The following STK32C variants were observed in gnomAD, a reference collection of about 807,000 sequenced individuals.
The protein encoded by STK32C is serine/threonine kinase 32C, also known as serine/threonine-protein kinase 32C.
Under a neutral mutation model 56.5 loss-of-function variants are expected in STK32C, and 31 were observed. That is an observed-to-expected ratio of 0.55 (90% CI 0.41 to 0.74). The LOEUF (loss-of-function observed/expected upper bound fraction) is 0.74, where lower values mean the gene tolerates loss of function less well. Among genes scored for constraint, STK32C ranks in the 30% least tolerant of loss-of-function variants. STK32C has a pLI of 0.00. For synonymous variants in STK32C, 309 were observed against 289.4 expected, an observed-to-expected ratio of 1.07 and a Z score of -0.69; for missense variants, 544 against 676.9, an observed-to-expected ratio of 0.80 and a Z score of 2.18.
rs573756806 is a variant in STK32C, at chr10:132,223,133, G to A, written c.994-147C>T. ...GAACCTCAGGGCCACGCGAGGAAGGGTGGTGCCGACGGCCGACATCAGGCA... is the reference window on the plus strand; with the variant it reads ...GAACCTCAGGGCCACGCGAGGAAGGATGGTGCCGACGGCCGACATCAGGCA... On this transcript the variant is annotated intron_variant, in intron 8 of 11. Coordinates refer to ENST00000298630, the MANE Select transcript of STK32C (RefSeq NM_173575.4). 7.3e-5 allele frequency: 84 copies of A among 1,142,886 alleles called. 1 individual carries two copies. The African/African-American group carries it at 1.2e-3, about 16-fold the overall frequency. The allele number at this position is 1,142,886 out of a possible 1,614,324, so 70.8% of individuals were successfully genotyped here.
At chr10:132,292,030 C>T (rs2065580820) in intron 1 of STK32C, among the ~76,000 whole-genome samples, 1 of 152,184 alleles carries the variant, frequency 6.6e-6, no homozygotes, top group Admixed American at 6.5e-5. Flanking sequence ...GACCTGGAGG[C>T]TTCCCCTGCA....
At chr10:132,252,292 G>T (rs943667672) in intron 1 of STK32C, among the ~76,000 whole-genome samples, 1 of 152,270 alleles carries the variant, frequency 6.6e-6, no homozygotes, top group East Asian at 1.9e-4. Flanking sequence ...GGCACCAGGT[G>T]CCAGGGAGGG....
chr10:132,259,549 G>C (rs4633376), intron 1 of STK32C, among the ~76,000 whole-genome samples: 1 of 151,844 alleles, frequency 6.6e-6, no homozygotes, highest in African/African-American at 2.4e-5. Context: ...TGAGATCTGG[G>C]CGTCTGAAAG....
At chr10:132,287,214 C>T (rs568584079) in intron 1 of STK32C, among the ~76,000 whole-genome samples, 3 of 152,186 alleles carry the variant, frequency 2.0e-5, no homozygotes, top group African/African-American at 7.2e-5. Flanking sequence ...AATTTTTGGC[C>T]AGGCACGGTG....
At chr10:132,300,427 T>C (rs2138363321) in intron 1 of STK32C, among the ~76,000 whole-genome samples, 1 of 152,184 alleles carries the variant, frequency 6.6e-6, no homozygotes, top group Non-Finnish European at 1.5e-5. Context: ...CTGGATGGAA[T>C]CTGGGGGGGA....
downstream of STK32C, among the ~76,000 whole-genome samples, chr10:132,319,189 T>C (rs1444571624): frequency 6.6e-6 from 1 of 152,190 alleles, no homozygotes; most frequent in African/African-American, 2.4e-5. Flanking sequence ...CTTCAGGTGA[T>C]CCGCCCACCT....
chr10:132,295,014 G>A (rs566371994), intron 1 of STK32C, among the ~76,000 whole-genome samples: 6 of 152,296 alleles, frequency 3.9e-5, no homozygotes, highest in African/African-American at 9.6e-5. Flanking sequence ...TGCCCCTCTC[G>A]GTGTGGACTG....
chr10:132,238,604 G>A (rs920832207), intron 2 of STK32C, among the ~76,000 whole-genome samples: 27 of 152,160 alleles, frequency 1.8e-4, no homozygotes, highest in African/African-American at 6.5e-4. Flanking sequence ...CTCAAGCCTG[G>A]GAAAGCATAG....
intron 2 of STK32C, among the ~76,000 whole-genome samples, chr10:132,240,378 G>A (rs530099175): frequency 8.9e-4 from 135 of 152,316 alleles, no homozygotes; most frequent in African/African-American, 2.9e-3. Flanking sequence ...AGCCGCTGGC[G>A]GGTTGCCATA....
upstream of STK32C, among the ~76,000 whole-genome samples, chr10:132,309,754 G>A (rs2066185796): frequency 6.6e-6 from 1 of 152,158 alleles, no homozygotes; most frequent in Non-Finnish European, 1.5e-5. Flanking sequence ...TGCGTACCCG[G>A]TGCACACATC....
chr10:132,243,830 G>A (rs914163390), intron 2 of STK32C, among the ~76,000 whole-genome samples: 2 of 152,174 alleles, frequency 1.3e-5, no homozygotes, highest in Non-Finnish European at 2.9e-5. Flanking sequence ...CCCTGAACGG[G>A]TGGGCTCCGG....
chr10:132,219,705 C>T (rs1195628777), intron 10 of STK32C, among the ~76,000 whole-genome samples: 1 of 152,188 alleles, frequency 6.6e-6, no homozygotes, highest in Non-Finnish European at 1.5e-5. Context: ...GGCAGCCGTC[C>T]TGGAGGAGGG....
chr10:132,266,709 G>C (rs1318771356), intron 1 of STK32C, among the ~76,000 whole-genome samples: 1 of 151,930 alleles, frequency 6.6e-6, no homozygotes, highest in Non-Finnish European at 1.5e-5. Context: ...GGGCGTGGGT[G>C]GGGGAGGCGC....
intron 1 of STK32C, among the ~76,000 whole-genome samples, chr10:132,305,435 T>C (rs1041525559): frequency 6.6e-6 from 1 of 152,358 alleles, no homozygotes; most frequent in East Asian, 1.9e-4. Flanking sequence ...ATTAATTAGG[T>C]GTTTTAATCT....
chr10:132,212,969 G>A (rs1003431311), intron 10 of STK32C, among the ~76,000 whole-genome samples: 2 of 152,220 alleles, frequency 1.3e-5, no homozygotes, highest in African/African-American at 4.8e-5. Context: ...GCAGCTCTGG[G>A]GAGCGGCCGG....
In STK32C at chr10:132,307,881, C is replaced by T; in HGVS notation, c.-48G>A. On this transcript the variant is annotated 5_prime_UTR_variant, in exon 1 of 12. Coordinates refer to ENST00000298630, the MANE Select transcript of STK32C (RefSeq NM_173575.4). The surrounding 1 kb of genome is among the most constrained non-coding windows in gnomAD (Gnocchi z 4.4). ...CAGCCGGAACTCGGGGCATGGCCGG[C>T]CGGCAGGGCCGGGAGCGGCAGTGGT... 1.8e-6 allele frequency: 2 copies of T among 1,140,544 alleles called. No individual in the cohort carries two copies. Among genetic ancestry groups the T allele is most frequent in the South Asian group, 1.9e-5 (1 of 52,964 alleles). 70.7% of individuals were successfully genotyped at this position (1,140,544 alleles called of 1,614,324 possible). A position where few individuals can be genotyped will look rare whatever the true frequency, so the allele number is the denominator to read the frequency against.
intron 2 of STK32C, among the ~76,000 whole-genome samples, chr10:132,232,509 C>A (rs925750459): frequency 6.6e-6 from 1 of 152,104 alleles, no homozygotes; most frequent in African/African-American, 2.4e-5. Flanking sequence ...TGGAAACCGG[C>A]GGCCTTTTAT....
intron 10 of STK32C, among the ~76,000 whole-genome samples, chr10:132,212,257 G>A (rs1159020554): frequency 6.6e-6 from 1 of 152,180 alleles, no homozygotes; most frequent in Non-Finnish European, 1.5e-5. Flanking sequence ...CAGACGTCTG[G>A]ACCAATGGGA....
downstream of STK32C, among the ~76,000 whole-genome samples, chr10:132,319,246 G>A (rs2066361690): frequency 1.3e-5 from 2 of 152,194 alleles, no homozygotes. Flanking sequence ...ACCACGCCCA[G>A]TCATGATACA....
Sources: gnomAD v4.1 joint callset for allele counts (sites outside exome capture counted in the v4.1 genomes callset) on GRCh38, gnomAD v4.1.1 for gene constraint, Gnocchi (gnomAD v3.1) non-coding constraint, MANE v1.5 for transcripts, NCBI Gene and HGNC (gene_info 2026-07-23, HGNC 2026-07-21) for gene names.